The following ABL1 variants were observed in gnomAD, a reference collection of about 807,000 sequenced individuals.
ABL1 encodes tyrosine-protein kinase ABL1.
ABL1 carries 11 observed loss-of-function variants against 94.7 expected under a neutral mutation model. The ratio of observed to expected loss-of-function variants is 0.12; its 90% CI spans 0.07 to 0.19. The LOEUF (loss-of-function observed/expected upper bound fraction) is 0.19. Among genes scored for constraint, ABL1 ranks in the 10% least tolerant of loss-of-function variants. ABL1 has a pLI of 1.00. For synonymous variants in ABL1, 656 were observed against 622.4 expected, an observed-to-expected ratio of 1.05 and a Z score of -0.80; for missense variants, 1,082 against 1,489.4, an observed-to-expected ratio of 0.73 and a Z score of 4.50.
chr9:130,741,597 A>C (rs1831819737), intron 1 of ABL1, among the ~76,000 whole-genome samples: 1 of 151,712 alleles, frequency 6.6e-6, no homozygotes, highest in Non-Finnish European at 1.5e-5. Flanking sequence ...CAGTTACAGC[A>C]CTGGTATACC....
intron 1 of ABL1, among the ~76,000 whole-genome samples, chr9:130,828,789 A>C (rs970436487): frequency 6.6e-6 from 1 of 152,186 alleles, no homozygotes; most frequent in Non-Finnish European, 1.5e-5. Flanking sequence ...GAAAGAAAAC[A>C]AAAAAATAAT....
intron 1 of ABL1, among the ~76,000 whole-genome samples, chr9:130,755,248 G>C (rs1043219976): frequency 2.0e-5 from 3 of 152,210 alleles, no homozygotes; most frequent in African/African-American, 7.2e-5. Flanking sequence ...AGAAGAGCCT[G>C]AAGAAAGGCA....
chr9:130,871,230 G>A (rs1017912143), intron 4 of ABL1, among the ~76,000 whole-genome samples: 4 of 152,228 alleles, frequency 2.6e-5, no homozygotes, highest in African/African-American at 4.8e-5. Flanking sequence ...AGTCAGTTCA[G>A]TAGACAGTAG....
At chr9:130,831,540 C>A (rs1347463793), upstream of ABL1, among the ~76,000 whole-genome samples, 4 of 152,162 alleles carry the variant, frequency 2.6e-5, no homozygotes, top group African/African-American at 9.7e-5. Context: ...TTAGAAATAT[C>A]CATTCCTGTT....
chr9:130,773,334 A>T (rs1003607585), intron 1 of ABL1, among the ~76,000 whole-genome samples: 4 of 152,196 alleles, frequency 2.6e-5, no homozygotes, highest in Admixed American at 6.5e-5. Flanking sequence ...TTAAAAAAAA[A>T]TTTAAAAAAT....
At chr9:130,778,725 T>A (rs1829705979) in intron 1 of ABL1, among the ~76,000 whole-genome samples, 5 of 151,646 alleles carry the variant, frequency 3.3e-5, no homozygotes, top group Admixed American at 3.3e-4. Context: ...ACCATTGTCG[T>A]GGTTTATACC....
At chr9:130,827,516 T>C (rs1026474100) in intron 1 of ABL1, among the ~76,000 whole-genome samples, 1 of 152,148 alleles carries the variant, frequency 6.6e-6, no homozygotes, top group Non-Finnish European at 1.5e-5. Context: ...TAACCTGATA[T>C]TAATAGATAA....
chr9:130,885,027 AAGCCCTCGCAG>A lies in ABL1; in HGVS notation c.2743_2753del (p.Ser915GlufsTer21). 1 of 1,611,474 alleles carries A rather than the reference AAGCCCTCGCAG, an allele frequency of 6.2e-7. No homozygotes were observed. The highest frequency in any genetic ancestry group is 8.5e-7 in the Non-Finnish European group (1 of 1,179,418). ...AGCCTCTGCAGGGAAGGCTGGAGGA[AAGCCCTCGCAG>A]AGCCCGAGCCAGGAGGCGGCCGGGG... is the stretch of plus-strand genomic sequence containing the variant. On this transcript the variant is annotated frameshift_variant, in exon 11 of 11. Transcript: ENST00000318560. LOFTEE classifies it high-confidence loss of function.
intron 1 of ABL1, among the ~76,000 whole-genome samples, chr9:130,718,945 T>G (rs1470892420): frequency 5.3e-5 from 8 of 152,154 alleles, no homozygotes; most frequent in South Asian, 4.1e-4. Flanking sequence ...GGATGTTTGT[T>G]GCTGAAGTAC....
chr9:130,735,052 T>TA (rs1831717092), intron 1 of ABL1, among the ~76,000 whole-genome samples: 1 of 151,826 alleles, frequency 6.6e-6, no homozygotes. Context: ...TTTTTTGAGA[T>TA]ACAACCTTGC....
At chr9:130,820,717 A>T (rs140792659) in intron 1 of ABL1, among the ~76,000 whole-genome samples, 1 of 152,182 alleles carries the variant, frequency 6.6e-6, no homozygotes, top group Non-Finnish European at 1.5e-5. Flanking sequence ...AGCAGCCCTC[A>T]CTGGGTGCAT....
At chr9:130,752,175 C>T (rs1831974885) in intron 1 of ABL1, among the ~76,000 whole-genome samples, 1 of 152,212 alleles carries the variant, frequency 6.6e-6, no homozygotes, top group Non-Finnish European at 1.5e-5. Context: ...GCACCATTAA[C>T]CAGATAAGTT....
chr9:130,797,847 G>A (rs949700481), intron 1 of ABL1, among the ~76,000 whole-genome samples: 1 of 152,144 alleles, frequency 6.6e-6, no homozygotes, highest in Non-Finnish European at 1.5e-5. Context: ...TGGCTGATGT[G>A]TTGTGATTCT....
At chr9:130,818,738 C>T (rs1196164535) in intron 1 of ABL1, among the ~76,000 whole-genome samples, 3 of 152,224 alleles carry the variant, frequency 2.0e-5, no homozygotes, top group Non-Finnish European at 4.4e-5. Flanking sequence ...CAGATAGCCT[C>T]TTTTCATTAA....
chr9:130,881,471 G>T (rs1831451971), intron 10 of ABL1, among the ~76,000 whole-genome samples: 1 of 152,202 alleles, frequency 6.6e-6, no homozygotes, highest in African/African-American at 2.4e-5. Context: ...GAGGAGCAAG[G>T]TCACATCTTA....
intron 1 of ABL1, among the ~76,000 whole-genome samples, chr9:130,810,838 A>G (rs530535491): frequency 1.3e-5 from 2 of 152,162 alleles, no homozygotes; most frequent in African/African-American, 2.4e-5. Flanking sequence ...AACTCCAAGC[A>G]CAGGAAACAT....
intron 1 of ABL1, among the ~76,000 whole-genome samples, chr9:130,780,784 T>A (rs906643692): frequency 3.9e-4 from 60 of 152,314 alleles, no homozygotes; most frequent in African/African-American, 1.4e-3. Flanking sequence ...AGAAAGTAGA[T>A]AGGATTCTGA....
At position 130,885,229 on chromosome 9, in the gene ABL1, C is replaced by A; in HGVS notation, c.2939C>A (p.Pro980His). The A allele has an allele frequency of 6.2e-7, 1 of 1,613,846 alleles. No individual in the cohort carries two copies. The highest frequency in any genetic ancestry group is 8.5e-7 in the Non-Finnish European group (1 of 1,180,018). Residue 980 changes from proline to histidine, a missense_variant, in exon 11 of 11, where the codon CCC (proline) becomes CAC (histidine). Pro to His is a moderately conservative substitution (Grantham distance 77, BLOSUM62 -2). Transcript: ENST00000318560. ...KPSGTPISPAPVPSTLPSASS... is the reference protein window; with the variant it reads ...KPSGTPISPAHVPSTLPSASS... ...TCGGGGACCCCCATCAGCCCAGCCC[C>A]CGTTCCCTCCACGTTGCCATCAGCA... is the stretch of plus-strand genomic sequence containing the variant.
intron 1 of ABL1, among the ~76,000 whole-genome samples, chr9:130,730,046 C>CTTCTT (rs1831642349): frequency 1.9e-5 from 2 of 107,168 alleles, no homozygotes; most frequent in Admixed American, 1.9e-4. Context: ...CCCAGCCAGA[C>CTTCTT]TTTTTTTTTT....
Sources: allele counts gnomAD v4.1 joint callset (sites outside exome capture counted in the v4.1 genomes callset), GRCh38; gene constraint gnomAD v4.1.1; transcripts MANE v1.5; gene names NCBI Gene and HGNC (gene_info 2026-07-23, HGNC 2026-07-21).